The following STK3 variants were observed in gnomAD, a reference collection of about 807,000 sequenced individuals.
STK3 encodes the protein serine/threonine kinase 3.
Under a neutral mutation model 58.0 loss-of-function variants are expected in STK3, and 41 were observed. The ratio of observed to expected loss-of-function variants is 0.71; its 90% confidence interval spans 0.55 to 0.92. The LOEUF (loss-of-function observed/expected upper bound fraction) is 0.92. Ranked by LOEUF, STK3 falls within the 40% of genes least tolerant of loss-of-function variation. The probability of loss-of-function intolerance (pLI) is 0.00; values close to 1 mark genes in which losing one functional copy is unlikely to be tolerated. For synonymous variants in STK3, 170 were observed against 191.0 expected (o/e 0.89, Z 0.91); for missense variants, 479 against 602.7 (o/e 0.79, Z 2.15).
At chr8:98,905,372 C>T in intron 1 of STK3, 1 of 1,103,912 alleles carries the variant, frequency 9.1e-7, no homozygotes, top group East Asian at 2.4e-5. Flanking sequence ...CTGGACCATA[C>T]TTCTCAAACT....
At chr8:98,526,655 G>T in intron 10 of STK3, 87 bp downstream of exon 10, 1 of 1,161,780 alleles carries the variant, frequency 8.6e-7, no homozygotes, top group Non-Finnish European at 1.2e-6. Context: ...CATACACACA[G>T]TTCATATACA....
At chr8:98,598,813 C>T (rs1816056642) in intron 6 of STK3, 1 of 985,360 alleles carries the variant, frequency 1.0e-6, no homozygotes, top group Non-Finnish European at 1.2e-6. Flanking sequence ...TGTTTCTACA[C>T]AATGTGTTGC....
chr8:98,698,872 G>C (rs1407103960), intron 6 of STK3, among the ~76,000 whole-genome samples: 1 of 151,946 alleles, frequency 6.6e-6, no homozygotes, highest in East Asian at 1.9e-4. Context: ...GAGTATCTTT[G>C]TGGCATTCTC....
intron 1 of STK3, among the ~76,000 whole-genome samples, chr8:98,816,843 T>C (rs1162249938): frequency 6.6e-6 from 1 of 152,194 alleles, no homozygotes; most frequent in Non-Finnish European, 1.5e-5. Context: ...CAAAACTTAC[T>C]ATTTCTTAAT....
chr8:98,611,741 C>A (rs1817215653), intron 6 of STK3, among the ~76,000 whole-genome samples: 2 of 152,238 alleles, frequency 1.3e-5, no homozygotes. Flanking sequence ...TGCTTATTCC[C>A]TGAACTCAAC....
intron 6 of STK3, among the ~76,000 whole-genome samples, chr8:98,601,305 A>G (rs1435049679): frequency 6.6e-6 from 1 of 152,224 alleles, no homozygotes; most frequent in Admixed American, 6.5e-5. Flanking sequence ...TTACTCATGC[A>G]CTATTTAAAT....
chr8:98,923,828 C>CATGT (rs1491374366), intron 1 of STK3, among the ~76,000 whole-genome samples: 3 of 144,306 alleles, frequency 2.1e-5, no homozygotes, highest in Non-Finnish European at 4.5e-5. Context: ...TTTGCAAAAA[C>CATGT]GTGTGTGTGT....
chr8:98,866,144 A>T (rs1428716308), intron 3 of STK3, among the ~76,000 whole-genome samples: 2 of 152,256 alleles, frequency 1.3e-5, no homozygotes, highest in African/African-American at 4.8e-5. Flanking sequence ...AATTTTGTTA[A>T]GTTCTCAAAG....
At chr8:98,621,113 T>C (rs185112682) in intron 6 of STK3, among the ~76,000 whole-genome samples, 9 of 152,220 alleles carry the variant, frequency 5.9e-5, no homozygotes, top group Non-Finnish European at 1.2e-4. Flanking sequence ...GTATTTTTAG[T>C]AGAGACCGTT....
chr8:98,787,835 G>A (rs1490338645), intron 1 of STK3, among the ~76,000 whole-genome samples: 1 of 152,132 alleles, frequency 6.6e-6, no homozygotes, highest in Non-Finnish European at 1.5e-5. Flanking sequence ...GCGAAACTAA[G>A]CTACATAAAT....
chr8:98,389,089 A>G (rs569336766), upstream of STK3, among the ~76,000 whole-genome samples: 12 of 152,336 alleles, frequency 7.9e-5, no homozygotes, highest in South Asian at 1.7e-3. Flanking sequence ...TGATTCTCTC[A>G]AGCATGGCTG....
chr8:98,407,520 G>A (rs1586550672), intron 3 of STK3, among the ~76,000 whole-genome samples: 1 of 152,250 alleles, frequency 6.6e-6, no homozygotes, highest in Non-Finnish European at 1.5e-5. Flanking sequence ...CAAAGACTTA[G>A]AGAGCTGTAA....
intron 6 of STK3, among the ~76,000 whole-genome samples, chr8:98,631,236 C>G (rs1662130912): frequency 6.6e-6 from 1 of 152,296 alleles, no homozygotes; most frequent in East Asian, 1.9e-4. Context: ...AATCACACAT[C>G]AGACCATACC....
intron 3 of STK3, chr8:98,413,354 G>A: frequency 1.9e-6 from 1 of 518,828 alleles, no homozygotes; most frequent in Admixed American, 2.0e-5. Flanking sequence ...ACACCTACTT[G>A]AGCTATTTTG....
chr8:98,798,277 TTTTCTATA>T (rs775188515), intron 1 of STK3, among the ~76,000 whole-genome samples: 3 of 152,198 alleles, frequency 2.0e-5, no homozygotes, highest in Non-Finnish European at 4.4e-5. Context: ...AACACGAGAA[TTTTCTATA>T]TTTCTATATT....
At chr8:98,436,469 T>C (rs891570780) in intron 2 of STK3, among the ~76,000 whole-genome samples, 1 of 152,246 alleles carries the variant, frequency 6.6e-6, no homozygotes, top group African/African-American at 2.4e-5. Flanking sequence ...TCCTCATTTC[T>C]ATCAATGGAA....
intron 3 of STK3, among the ~76,000 whole-genome samples, chr8:98,418,190 G>T (rs1355869996): frequency 6.6e-6 from 1 of 152,234 alleles, no homozygotes; most frequent in Non-Finnish European, 1.5e-5. Context: ...GAGATTACAG[G>T]CATGAGCCAC....
the STK3 span, among the ~76,000 whole-genome samples, chr8:98,362,224 T>C: frequency 6.6e-6 from 1 of 152,148 alleles, no homozygotes; most frequent in Non-Finnish European, 1.5e-5. Flanking sequence ...CGAGCTTGGG[T>C]GAAGCTTGCT....
downstream of STK3, among the ~76,000 whole-genome samples, chr8:98,366,879 A>G (rs1407358786): frequency 1.3e-5 from 2 of 152,226 alleles, no homozygotes; most frequent in African/African-American, 2.4e-5. Flanking sequence ...TGCCCACTGT[A>G]TGCTAGGCAG....
Sources: allele counts gnomAD v4.1 joint callset (sites outside exome capture counted in the v4.1 genomes callset), GRCh38; gene constraint gnomAD v4.1.1; transcripts MANE v1.5; gene names NCBI Gene and HGNC (gene_info 2026-07-23, HGNC 2026-07-21).